The following ARHGAP15 variants were observed in gnomAD, a reference collection of about 807,000 sequenced individuals.
The protein encoded by ARHGAP15 is rho GTPase-activating protein 15.
ARHGAP15 carries 51 observed loss-of-function variants against 63.7 expected under a neutral mutation model. That is an observed-to-expected ratio of 0.80 (90% CI 0.64 to 1.01). ARHGAP15 has a LOEUF of 1.01. Ranked by LOEUF, ARHGAP15 falls within the 50% of genes least tolerant of loss-of-function variation. The pLI is 0.00. For synonymous variants in ARHGAP15, 191 were observed against 193.8 expected (o/e 0.99, Z 0.12); for missense variants, 560 against 564.6 (o/e 0.99, Z 0.08).
intron 9 of ARHGAP15, among the ~76,000 whole-genome samples, chr2:143,516,921 C>G (rs977366835): frequency 3.3e-5 from 5 of 152,074 alleles, no homozygotes; most frequent in Admixed American, 1.3e-4. Context: ...TGCACATTTC[C>G]ATATTGGAGT....
intron 6 of ARHGAP15, among the ~76,000 whole-genome samples, chr2:143,330,102 A>AC (rs1684448883): frequency 1.3e-5 from 1 of 76,432 alleles, no homozygotes; most frequent in Non-Finnish European, 2.5e-5. Flanking sequence ...CTCAAAAAAA[A>AC]AAAAAAAAAA....
intron 10 of ARHGAP15, among the ~76,000 whole-genome samples, chr2:143,542,977 G>C (rs182502536): frequency 6.7e-6 from 1 of 149,862 alleles, no homozygotes; most frequent in South Asian, 2.1e-4. Flanking sequence ...CCATATCTTG[G>C]TTATTGTAAA....
chr2:143,429,597 A>G (rs570613308), intron 6 of ARHGAP15, among the ~76,000 whole-genome samples: 2 of 152,248 alleles, frequency 1.3e-5, no homozygotes, highest in South Asian at 2.1e-4. Flanking sequence ...ATGCAAATCA[A>G]TCAACCCCAA....
chr2:143,285,643 T>G (rs1195250110), intron 6 of ARHGAP15, among the ~76,000 whole-genome samples: 1 of 152,184 alleles, frequency 6.6e-6, no homozygotes, highest in Non-Finnish European at 1.5e-5. Context: ...GAAAAGAGGA[T>G]ACATATTTCT....
intron 3 of ARHGAP15, among the ~76,000 whole-genome samples, chr2:143,208,053 G>A (rs1414447460): frequency 1.3e-5 from 2 of 152,082 alleles, no homozygotes; most frequent in African/African-American, 2.4e-5. Flanking sequence ...GTACCTACCA[G>A]GATGAGCTAT....
rs374995846 is a variant in ARHGAP15 at position 143,556,394 on chromosome 2, C to T, written c.926-14C>T. 39 of 1,578,814 alleles carry T rather than the reference C, an allele frequency of 2.5e-5. No individual in the cohort carries two copies. The African/African-American group carries it at 4.2e-4, about 17-fold the overall frequency. ...CTATATGTGCTAATATAAAATATGC[C>T]CTTTTGTCTTCAGGTCTAGATGTTG... is the stretch of plus-strand genomic sequence containing the variant. On this transcript the variant is annotated splice_polypyrimidine_tract_variant and intron_variant, in intron 10 of 13. Transcript: ENST00000295095.
At chr2:143,515,703 T>A (rs1456070762) in intron 9 of ARHGAP15, among the ~76,000 whole-genome samples, 1 of 152,164 alleles carries the variant, frequency 6.6e-6, no homozygotes, top group East Asian at 1.9e-4. Flanking sequence ...TCAATAGAGA[T>A]GATTTTCACT....
rs150573324 is a variant in ARHGAP15 at position 143,341,097 on chromosome 2, G to A, written c.474+90497G>A. Among the ~76,000 whole-genome samples the A allele has an allele frequency of 7.4e-4, 113 of 152,044 alleles. 4 individuals carry two copies. The South Asian group carries it at 0.012, about 17-fold the overall frequency. ...AGAGAAGTCCCTTCCTCTCTTCTCT[G>A]TGAACACATAGAAGCCAGCGGGTCC... On this transcript the variant is annotated intron_variant, in intron 6 of 13. Transcript: ENST00000295095.
At chr2:143,417,683 A>G (rs545789956) in intron 6 of ARHGAP15, among the ~76,000 whole-genome samples, 4 of 152,290 alleles carry the variant, frequency 2.6e-5, no homozygotes, top group East Asian at 3.9e-4. Flanking sequence ...TGCCAAGCCC[A>G]TATGTTTCAA....
Position 143,629,216 on chromosome 2 carries a change from A to G in ARHGAP15, c.1138+4949A>G, listed in dbSNP as rs1423644064. 2.6e-5 allele frequency among the ~76,000 whole-genome samples: 4 copies of G among 152,036 alleles called. No homozygotes were observed. In the East Asian group the frequency reaches 7.7e-4, roughly 29 times the overall value. On this transcript the variant is annotated intron_variant, in intron 12 of 13. Transcript: ENST00000295095. Reference sequence around the variant, plus strand: ...AAAAAAAAACCCCATTAATATCATAAGACCCTGCAATTGCCATAGTAATCC... The same window carrying G: ...AAAAAAAAACCCCATTAATATCATAGGACCCTGCAATTGCCATAGTAATCC...
At chr2:143,262,756 C>T (rs186037361) in intron 6 of ARHGAP15, among the ~76,000 whole-genome samples, 1 of 151,986 alleles carries the variant, frequency 6.6e-6, no homozygotes, top group Non-Finnish European at 1.5e-5. Flanking sequence ...TAGTTGCCCT[C>T]TTGTACACAT....
intron 10 of ARHGAP15, among the ~76,000 whole-genome samples, chr2:143,545,099 A>G (rs184650911): frequency 6.6e-6 from 1 of 152,302 alleles, no homozygotes; most frequent in African/African-American, 2.4e-5. Flanking sequence ...GACTTTGCTG[A>G]TGGTTAGTAT....
chr2:143,443,351 G>A (rs1689980528), intron 8 of ARHGAP15, among the ~76,000 whole-genome samples: 1 of 151,724 alleles, frequency 6.6e-6, no homozygotes, highest in East Asian at 1.9e-4. Context: ...AAAAAGTCGT[G>A]ACATTTTTGT....
At chr2:143,502,612 T>C (rs1207926769) in intron 9 of ARHGAP15, among the ~76,000 whole-genome samples, 1 of 151,810 alleles carries the variant, frequency 6.6e-6, no homozygotes, top group African/African-American at 2.4e-5. Flanking sequence ...GGAGTTTCAC[T>C]CTTGTCACCC....
At position 143,604,890 on chromosome 2, in the gene ARHGAP15, TTTTTG is replaced by T. The variant is rs201477731; in HGVS notation, c.1004-19223_1004-19219del. On this transcript the variant is annotated intron_variant, in intron 11 of 13. Coordinates refer to ENST00000295095, the MANE Select transcript of ARHGAP15 (RefSeq NM_018460.4). ...GCATAGCATAATATTTTACAGGGTT[TTTTTG>T]TTTTGTTTTGTTTTGTTTTTGTTTT... Among the ~76,000 whole-genome samples the T allele has an allele frequency of 3.1e-3, 477 of 152,124 alleles. 5 individuals are homozygous for T. Among genetic ancestry groups the T allele is most frequent in the Non-Finnish European group, 1.1e-3 (76 of 67,980 alleles).
At chr2:143,510,427 C>A (rs1693533543) in intron 9 of ARHGAP15, among the ~76,000 whole-genome samples, 1 of 152,158 alleles carries the variant, frequency 6.6e-6, no homozygotes, top group Admixed American at 6.5e-5. Context: ...GTTATTATGA[C>A]AATGCTGATG....
chr2:143,735,976 C>G, intron 13 of ARHGAP15, among the ~76,000 whole-genome samples: 1 of 152,334 alleles, frequency 6.6e-6, no homozygotes, highest in African/African-American at 2.4e-5. Flanking sequence ...TATCAAAGTA[C>G]TATCCATCCA....
chr2:143,274,709 T>C (rs1461791769), intron 6 of ARHGAP15, among the ~76,000 whole-genome samples: 3 of 152,342 alleles, frequency 2.0e-5, no homozygotes, highest in South Asian at 2.1e-4. Flanking sequence ...TGAACTGTTT[T>C]GTAAGGTGGT....
chr2:143,207,297 T>C (rs1358096896), intron 3 of ARHGAP15, among the ~76,000 whole-genome samples: 1 of 152,080 alleles, frequency 6.6e-6, no homozygotes, highest in African/African-American at 2.4e-5. Context: ...AATAGATCTA[T>C]TTGCCCAATA....
Sources: gnomAD v4.1 joint callset for allele counts (sites outside exome capture counted in the v4.1 genomes callset) on GRCh38, gnomAD v4.1.1 for gene constraint, MANE v1.5 for transcripts, NCBI Gene and HGNC (gene_info 2026-07-23, HGNC 2026-07-21) for gene names.